The following POC1B variants were observed in gnomAD, a reference collection of about 807,000 sequenced individuals.
POC1B encodes the protein POC1 centriolar protein B.
Under a neutral mutation model 60.6 loss-of-function variants are expected in POC1B, and 44 were observed. That is an observed-to-expected ratio of 0.73 (90% CI 0.57 to 0.93). The LOEUF (loss-of-function observed/expected upper bound fraction) is 0.93. Ranked by LOEUF, POC1B falls within the 40% of genes least tolerant of loss-of-function variation. The pLI is 0.00. For synonymous variants in POC1B, 180 were observed against 198.9 expected (o/e 0.90, Z 0.80); for missense variants, 555 against 572.3 (o/e 0.97, Z 0.31).
intron 2 of POC1B, chr12:89,522,867 T>C: frequency 6.2e-7 from 1 of 1,608,062 alleles, no homozygotes; most frequent in South Asian, 1.1e-5. Context: ...AAGTTCTCAT[T>C]TGTACATCAG....
intron 4 of POC1B, among the ~76,000 whole-genome samples, chr12:89,489,388 C>T (rs551572889): frequency 1.7e-4 from 26 of 152,276 alleles, no homozygotes; most frequent in African/African-American, 6.0e-4. Context: ...AAATTTAGGT[C>T]CAGGGTCCAT....
chr12:89,524,395 A>T, intron 2 of POC1B: 1 of 1,613,942 alleles, frequency 6.2e-7, no homozygotes, highest in Non-Finnish European at 8.5e-7. Context: ...ATTTTTCTGG[A>T]GGTCTGAGAG....
chr12:89,426,080 C>A (rs573043708), intron 10 of POC1B: 1 of 152,320 alleles, frequency 6.6e-6, no homozygotes, highest in African/African-American at 2.4e-5. Flanking sequence ...AATTCTGATA[C>A]ATGTTATAAC....
chr12:89,408,977 T>C, the POC1B span, among the ~76,000 whole-genome samples: 3 of 152,256 alleles, frequency 2.0e-5, no homozygotes, highest in African/African-American at 7.2e-5. Context: ...GTTTGTTTTT[T>C]TCTTGAAAAT....
intron 4 of POC1B, among the ~76,000 whole-genome samples, chr12:89,478,485 C>T (rs1375691271): frequency 6.6e-6 from 1 of 152,062 alleles, no homozygotes; most frequent in Admixed American, 6.5e-5. Flanking sequence ...CAAGAAGAGG[C>T]AACTCACATC....
intron 10 of POC1B, chr12:89,426,882 A>G (rs2120659422): frequency 6.6e-6 from 1 of 152,232 alleles, no homozygotes; most frequent in East Asian, 1.9e-4. Context: ...ACAAACCATC[A>G]TTGAAAGAAA....
At chr12:89,525,468 G>A in intron 1 of POC1B, 1 of 1,339,146 alleles carries the variant, frequency 7.5e-7, no homozygotes. Flanking sequence ...CGCAGGAACC[G>A]CGGCCCCTTT....
chr12:89,493,878 T>C (rs1869110381), intron 3 of POC1B, among the ~76,000 whole-genome samples: 1 of 152,210 alleles, frequency 6.6e-6, no homozygotes, highest in South Asian at 2.1e-4. Flanking sequence ...CTTATGTTTA[T>C]TGTGCTGGTG....
At chr12:89,428,185 A>G (rs894832986) in intron 10 of POC1B, 1 of 152,364 alleles carries the variant, frequency 6.6e-6, no homozygotes, top group East Asian at 1.9e-4. Flanking sequence ...CTGCTCAAAG[A>G]ACAGGCTTTA....
chr12:89,430,571 T>C (rs1880988268), intron 10 of POC1B, among the ~76,000 whole-genome samples: 1 of 152,186 alleles, frequency 6.6e-6, no homozygotes, highest in African/African-American at 2.4e-5. Flanking sequence ...CCCTTCCTCC[T>C]TTCCTCTTCT....
intron 7 of POC1B, 63 bp from the exon 8 acceptor site, chr12:89,467,748 A>G: frequency 7.8e-7 from 1 of 1,280,438 alleles, no homozygotes; most frequent in Non-Finnish European, 1.1e-6. Context: ...GGCCAAGAAG[A>G]CTATGGATAT....
intron 10 of POC1B, among the ~76,000 whole-genome samples, chr12:89,445,494 C>A (rs942221407): frequency 6.6e-6 from 1 of 152,112 alleles, no homozygotes; most frequent in African/African-American, 2.4e-5. Context: ...CTGACAAAAA[C>A]AAGAAATGGG....
intron 2 of POC1B, chr12:89,523,622 C>G: frequency 6.5e-7 from 1 of 1,548,702 alleles, no homozygotes; most frequent in Non-Finnish European, 8.7e-7. Flanking sequence ...AGTCCTCCAG[C>G]CATGGTAGGT....
chr12:89,480,835 T>G (rs1019022897), intron 4 of POC1B, among the ~76,000 whole-genome samples: 1 of 152,110 alleles, frequency 6.6e-6, no homozygotes, highest in Non-Finnish European at 1.5e-5. Flanking sequence ...CTCCTGACCT[T>G]GTGATCTGCC....
intron 2 of POC1B, among the ~76,000 whole-genome samples, chr12:89,504,845 C>T (rs1869820845): frequency 6.6e-6 from 1 of 152,150 alleles, no homozygotes; most frequent in Non-Finnish European, 1.5e-5. Flanking sequence ...TGGCTCATGC[C>T]TGTAATCCCA....
At chr12:89,419,652 A>C (rs1880450278), downstream of POC1B, 1 of 152,216 alleles carries the variant, frequency 6.6e-6, no homozygotes, top group African/African-American at 2.4e-5. Flanking sequence ...TTAAAGACTG[A>C]GTGAGCTGGA....
chr12:89,519,743 A>G (rs1042967568), intron 2 of POC1B: 2 of 152,580 alleles, frequency 1.3e-5, no homozygotes, highest in Non-Finnish European at 2.9e-5. Flanking sequence ...ATGGGTAAGT[A>G]AACAAATTTT....
At chr12:89,456,493 A>C (rs1882266332) in intron 10 of POC1B, among the ~76,000 whole-genome samples, 1 of 152,212 alleles carries the variant, frequency 6.6e-6, no homozygotes. Flanking sequence ...TACAACATGA[A>C]AACATTAAAA....
intron 10 of POC1B, among the ~76,000 whole-genome samples, chr12:89,436,556 A>T (rs1453024393): frequency 6.6e-6 from 1 of 152,132 alleles, no homozygotes; most frequent in Non-Finnish European, 1.5e-5. Context: ...TCTACTAAAA[A>T]TACAAAAATT....
Sources: gnomAD v4.1 joint callset for allele counts (sites outside exome capture counted in the v4.1 genomes callset) on GRCh38, gnomAD v4.1.1 for gene constraint, MANE v1.5 for transcripts, NCBI Gene and HGNC (gene_info 2026-07-23, HGNC 2026-07-21) for gene names.